NAV1: variants seen among roughly 807,000 people sequenced by gnomAD.
NAV1 encodes neuron navigator 1, also known as pore membrane and/or filament interacting like protein 3.
NAV1 carries 18 observed loss-of-function variants against 175.2 expected under a neutral mutation model. The ratio of observed to expected loss-of-function variants is 0.10; its 90% CI spans 0.07 to 0.15. The LOEUF is 0.15. Ranked by LOEUF, NAV1 falls within the 10% of genes least tolerant of loss-of-function variation. NAV1 has a pLI of 1.00. For missense variants in NAV1, 1,731 were observed against 2,436.6 expected (o/e 0.71, Z 6.10); for synonymous variants, 897 against 978.7 (o/e 0.92, Z 1.56).
intron 1 of NAV1, among the ~76,000 whole-genome samples, chr1:201,566,206 G>A (rs931344349): frequency 6.6e-6 from 1 of 152,024 alleles, no homozygotes; most frequent in Non-Finnish European, 1.5e-5. Context: ...CTTCTCCTGG[G>A]CATTTCTCTT....
chr1:201,663,236 G>T (rs1256910911), intron 1 of NAV1, among the ~76,000 whole-genome samples: 2 of 152,214 alleles, frequency 1.3e-5, no homozygotes, highest in Non-Finnish European at 2.9e-5. Context: ...AAGGTTATAT[G>T]TCAGCCCAGT....
chr1:201,647,335 C>T (rs1182220869), upstream of NAV1, among the ~76,000 whole-genome samples: 1 of 152,186 alleles, frequency 6.6e-6, no homozygotes, highest in African/African-American at 2.4e-5. Flanking sequence ...TGGGAAACAT[C>T]TTTTAAAAGC....
At chr1:201,771,500 G>GAAA (rs55864064) in intron 3 of NAV1, among the ~76,000 whole-genome samples, 26 of 86,806 alleles carry the variant, frequency 3.0e-4, no homozygotes, top group South Asian at 2.2e-3. Flanking sequence ...ACTTCGTCTA[G>GAAA]AAAAAAAAAA....
intron 3 of NAV1, among the ~76,000 whole-genome samples, chr1:201,728,883 G>C (rs1170790905): frequency 6.6e-6 from 1 of 152,264 alleles, no homozygotes; most frequent in African/African-American, 2.4e-5. Flanking sequence ...AGGTATTCCA[G>C]AGGGGCTGCT....
chr1:201,676,449 A>G (rs1246907336), intron 1 of NAV1, among the ~76,000 whole-genome samples: 8 of 152,320 alleles, frequency 5.3e-5, no homozygotes, highest in Non-Finnish European at 8.8e-5. Flanking sequence ...GCACAGGCCC[A>G]GCTCTGTCCC....
exon 30 of NAV1, chr1:201,823,522 CT>C (rs1679508472): frequency 6.6e-6 from 1 of 152,136 alleles, no homozygotes; most frequent in African/African-American, 2.4e-5. Context: ...TGTGTCAATC[CT>C]TAAGTACCCA....
intron 3 of NAV1, among the ~76,000 whole-genome samples, chr1:201,746,588 T>C (rs953159509): frequency 4.3e-4 from 66 of 152,082 alleles, no homozygotes; most frequent in African/African-American, 1.4e-3. Context: ...TAGCTGGAAA[T>C]AGGAAGCAAG....
At chr1:201,543,888 T>G (rs1051297026) in intron 1 of NAV1, among the ~76,000 whole-genome samples, 1 of 152,180 alleles carries the variant, frequency 6.6e-6, no homozygotes, top group Non-Finnish European at 1.5e-5. Flanking sequence ...CTCTATGAAT[T>G]TGTGAACATT....
chr1:201,639,051 G>A (rs942698109), intron 2 of NAV1, among the ~76,000 whole-genome samples: 40 of 152,370 alleles, frequency 2.6e-4, no homozygotes, highest in African/African-American at 9.4e-4. Flanking sequence ...CCTGGAGGAG[G>A]TGGCTCTGAA....
At chr1:201,587,276 A>C (rs79738316) in intron 1 of NAV1, among the ~76,000 whole-genome samples, 7,337 of 152,000 alleles carry the variant, frequency 0.048, 202 homozygotes, top group Middle Eastern at 0.068. Flanking sequence ...AAAAAAAAAA[A>C]CAGAAACCTT....
chr1:201,686,909 C>T (rs886799178), intron 1 of NAV1, among the ~76,000 whole-genome samples: 3 of 152,228 alleles, frequency 2.0e-5, no homozygotes, highest in East Asian at 3.8e-4. Context: ...GCAAAAACCT[C>T]GAGCAGCAGC....
At chr1:201,622,426 C>G (rs556144415), upstream of NAV1, among the ~76,000 whole-genome samples, 15 of 152,242 alleles carry the variant, frequency 9.9e-5, no homozygotes, top group African/African-American at 3.1e-4. Context: ...AAGGAACATG[C>G]AGGGCAGAGG....
intron 2 of NAV1, among the ~76,000 whole-genome samples, chr1:201,635,206 CTT>C (rs3054496): frequency 6.9e-6 from 1 of 144,936 alleles, no homozygotes. Flanking sequence ...ACCTGGCTAT[CTT>C]TTTTTTTTTT....
In NAV1 at chr1:201,826,449, T is replaced by C. The variant is rs570673735; in HGVS notation, c.*6517T>C. ...CAAAACAATCTTTTTTCAAAATGAA[T>C]TCCAACCCCTGCTAGCTTCCTTCCC... On this transcript the variant is annotated 3_prime_UTR_variant, in exon 30 of 30. Transcript: ENST00000367296. 4 of 152,386 alleles carry C rather than the reference T, an allele frequency of 2.6e-5. No individual in the cohort carries two copies. The East Asian group carries it at 7.7e-4, about 29-fold the overall frequency. The allele number at this position is 152,386 out of a possible 1,614,324, so 9.4% of individuals were successfully genotyped here. A position where few individuals can be genotyped will look rare whatever the true frequency, so the allele number is the denominator to read the frequency against.
At chr1:201,731,812 C>T (rs1013716245) in intron 3 of NAV1, among the ~76,000 whole-genome samples, 1 of 152,190 alleles carries the variant, frequency 6.6e-6, no homozygotes, top group Admixed American at 6.5e-5. Context: ...GGACTGCTGA[C>T]ATTCTGCTGA....
intron 2 of NAV1, among the ~76,000 whole-genome samples, chr1:201,613,961 A>G (rs1402434339): frequency 2.0e-5 from 3 of 151,898 alleles, no homozygotes. Flanking sequence ...CAAGGAGGTT[A>G]AGTAATTTGC....
chr1:201,809,946 G>A (rs756632119), exon 23 of NAV1: 1 of 1,610,982 alleles, frequency 6.2e-7, no homozygotes, highest in Non-Finnish European at 8.5e-7. Context: ...TTTCTGTCAG[G>A]ACTATATTTC....
chr1:201,758,163 C>G (rs1674631359), intron 3 of NAV1, among the ~76,000 whole-genome samples: 1 of 152,160 alleles, frequency 6.6e-6, no homozygotes, highest in African/African-American at 2.4e-5. Flanking sequence ...ATAAGTTTTC[C>G]TAAAGAGGAA....
chr1:201,610,727 G>C (rs1038877966), intron 2 of NAV1, among the ~76,000 whole-genome samples: 3 of 152,130 alleles, frequency 2.0e-5, no homozygotes, highest in African/African-American at 7.2e-5. Flanking sequence ...GCCTCTCCTG[G>C]GGAATGGCTG....
Sources: allele counts gnomAD v4.1 joint callset (sites outside exome capture counted in the v4.1 genomes callset), GRCh38; gene constraint gnomAD v4.1.1; transcripts MANE v1.5; gene names NCBI Gene and HGNC (gene_info 2026-07-23, HGNC 2026-07-21).